CSMD1: variants seen among roughly 807,000 people sequenced by gnomAD.
CSMD1 encodes the protein CUB and Sushi multiple domains 1.
A neutral mutation model predicts 417.5 loss-of-function variants in CSMD1; 213 were observed. The observed-to-expected ratio is 0.51, with a 90% confidence interval of 0.46 to 0.57. CSMD1 has a LOEUF of 0.57. CSMD1 is among the 20% of genes least tolerant of loss of function. CSMD1 has a pLI of 0.00. For synonymous variants in CSMD1, 2,862 were observed against 1,736.8 expected (o/e 1.65, Z -16.11); for missense variants, 6,923 against 4,529.7 (o/e 1.53, Z -15.17).
At chr8:4,461,742 T>C (rs1419874750) in intron 2 of CSMD1, among the ~76,000 whole-genome samples, 1 of 4,726 alleles carries the variant, frequency 2.1e-4, no homozygotes, top group Non-Finnish European at 6.0e-4. Context: ...TATTTACTTA[T>C]TTTTTTTTTT....
chr8:4,347,303 A>C (rs1444532624), intron 3 of CSMD1, among the ~76,000 whole-genome samples: 2 of 152,192 alleles, frequency 1.3e-5, no homozygotes, highest in South Asian at 2.1e-4. Flanking sequence ...CAGCAGCAGC[A>C]ACTATAAAAT....
intron 26 of CSMD1, among the ~76,000 whole-genome samples, chr8:3,265,894 C>G (rs759464597): frequency 6.6e-6 from 1 of 151,946 alleles, no homozygotes; most frequent in South Asian, 2.1e-4. Flanking sequence ...GCTTCTCCAT[C>G]TCCTTGGAGG....
At chr8:4,348,345 T>C (rs186597929) in intron 3 of CSMD1, among the ~76,000 whole-genome samples, 1 of 152,164 alleles carries the variant, frequency 6.6e-6, no homozygotes, top group African/African-American at 2.4e-5. Context: ...AGCGAAGTCA[T>C]GGAATCCACC....
At chr8:4,432,306 A>C (rs909880348) in intron 2 of CSMD1, among the ~76,000 whole-genome samples, 37 of 152,298 alleles carry the variant, frequency 2.4e-4, no homozygotes, top group Admixed American at 1.1e-3. Context: ...GAGCCCAGAG[A>C]CTAGGCAGCT....
intron 17 of CSMD1, among the ~76,000 whole-genome samples, chr8:3,394,286 T>C (rs897327220): frequency 2.0e-5 from 3 of 147,754 alleles, no homozygotes; most frequent in East Asian, 2.0e-4. Context: ...TTTATAATAA[T>C]AAAATATTAT....
intron 1 of CSMD1, among the ~76,000 whole-genome samples, chr8:4,805,617 C>T (rs1798543800): frequency 1.3e-5 from 2 of 152,186 alleles, no homozygotes; most frequent in Non-Finnish European, 2.9e-5. Flanking sequence ...GTGCTACATA[C>T]ATTAAATTAC....
intron 61 of CSMD1, among the ~76,000 whole-genome samples, chr8:2,961,618 T>A (rs1455804268): frequency 6.6e-6 from 1 of 152,202 alleles, no homozygotes; most frequent in South Asian, 2.1e-4. Flanking sequence ...TTTCTTTAAT[T>A]AATTTTCCTC....
intron 49 of CSMD1, among the ~76,000 whole-genome samples, chr8:3,054,946 T>C (rs996345646): frequency 6.6e-6 from 1 of 152,220 alleles, no homozygotes. Flanking sequence ...CTTTCTTTTC[T>C]GTATCTCACA....
intron 54 of CSMD1, among the ~76,000 whole-genome samples, chr8:2,980,268 A>T (rs1805289386): frequency 6.6e-6 from 1 of 152,140 alleles, no homozygotes; most frequent in African/African-American, 2.4e-5. Context: ...GAGAGAAACC[A>T]AATGGCCCCG....
chr8:3,707,711 G>A (rs187202814), intron 7 of CSMD1, among the ~76,000 whole-genome samples: 2 of 152,316 alleles, frequency 1.3e-5, no homozygotes, highest in African/African-American at 4.8e-5. Context: ...TCTCCAAGGA[G>A]CACATAGGCT....
In CSMD1 at chr8:4,947,340, A is replaced by C. The variant is rs536036885; in HGVS notation, c.85+46992T>G. On this transcript the variant is annotated intron_variant, in intron 1 of 69. Transcript: ENST00000635120. ...AAGGTCAGTTCTTCTCCCAGTTAAA[A>C]TGCATAACTAACCAAATTCTCAGCA... is the stretch of plus-strand genomic sequence containing the variant. 3.3e-5 allele frequency among the ~76,000 whole-genome samples: 5 copies of C among 152,268 alleles called. 1 individual carries two copies. Among genetic ancestry groups the C allele is most frequent in the African/African-American group, 1.2e-4 (5 of 41,576 alleles).
intron 5 of CSMD1, among the ~76,000 whole-genome samples, chr8:3,842,726 A>C (rs1225076428): frequency 6.6e-6 from 1 of 152,180 alleles, no homozygotes; most frequent in Non-Finnish European, 1.5e-5. Context: ...AAAATGTGTC[A>C]AGATTAAAAT....
intron 7 of CSMD1, among the ~76,000 whole-genome samples, chr8:3,678,009 C>G (rs954210491): frequency 2.0e-5 from 3 of 152,086 alleles, no homozygotes; most frequent in Non-Finnish European, 4.4e-5. Flanking sequence ...GGGTGTCTGC[C>G]TATCTTCAAA....
chr8:3,419,011 T>G (rs992322656), intron 12 of CSMD1, among the ~76,000 whole-genome samples: 5 of 152,218 alleles, frequency 3.3e-5, no homozygotes, highest in Non-Finnish European at 5.9e-5. Flanking sequence ...TAGTGTTCCT[T>G]TCACTTACAT....
chr8:4,567,826 T>G (rs1423162047), intron 2 of CSMD1, among the ~76,000 whole-genome samples: 5 of 152,230 alleles, frequency 3.3e-5, no homozygotes, highest in African/African-American at 1.2e-4. Flanking sequence ...CATGAGCTAA[T>G]GAATATTTCT....
intron 7 of CSMD1, among the ~76,000 whole-genome samples, chr8:3,643,634 G>T (rs1446563580): frequency 6.7e-6 from 1 of 149,108 alleles, no homozygotes; most frequent in African/African-American, 2.5e-5. Context: ...CCGGGAGGTG[G>T]AGCTTGCAGT....
At chr8:3,504,121 T>C (rs1343098511) in intron 10 of CSMD1, among the ~76,000 whole-genome samples, 1 of 152,138 alleles carries the variant, frequency 6.6e-6, no homozygotes, top group African/African-American at 2.4e-5. Flanking sequence ...AAAGAAATGA[T>C]GAATGTTTGA....
intron 10 of CSMD1, among the ~76,000 whole-genome samples, chr8:3,500,427 C>T (rs1796552051): frequency 6.6e-6 from 1 of 152,088 alleles, no homozygotes; most frequent in African/African-American, 2.4e-5. Flanking sequence ...CGACCAGACA[C>T]ACAGAAATGG....
At chr8:4,845,734 G>C (rs1801103615) in intron 1 of CSMD1, among the ~76,000 whole-genome samples, 1 of 152,186 alleles carries the variant, frequency 6.6e-6, no homozygotes, top group African/African-American at 2.4e-5. Flanking sequence ...CAGAGAGGGA[G>C]CACTGGCCGG....
Sources: allele counts gnomAD v4.1 joint callset (sites outside exome capture counted in the v4.1 genomes callset), GRCh38; gene constraint gnomAD v4.1.1; transcripts MANE v1.5; gene names NCBI Gene and HGNC (gene_info 2026-07-23, HGNC 2026-07-21).